ERC2: variants seen among roughly 807,000 people sequenced by gnomAD.
ERC2 encodes the protein ERC protein 2.
ERC2 carries 42 observed loss-of-function variants against 114.8 expected under a neutral mutation model. The observed-to-expected ratio is 0.37, with a 90% CI of 0.29 to 0.47. ERC2 has a LOEUF of 0.47. ERC2 is among the 20% of genes least tolerant of loss of function. The probability of loss-of-function intolerance (pLI) is 0.99; values close to 1 mark genes in which losing one functional copy is unlikely to be tolerated. For synonymous variants in ERC2, 454 were observed against 425.5 expected (o/e 1.07, Z -0.82); for missense variants, 939 against 1,150.7 (o/e 0.82, Z 2.66).
intron 6 of ERC2, among the ~76,000 whole-genome samples, chr3:56,090,034 T>C (rs956489132): frequency 2.0e-5 from 3 of 152,196 alleles, no homozygotes; most frequent in Non-Finnish European, 4.4e-5. Flanking sequence ...AGAAAATTTT[T>C]GACGAATAAT....
chr3:56,185,964 T>A (rs191792603), intron 3 of ERC2, among the ~76,000 whole-genome samples: 121 of 152,112 alleles, frequency 8.0e-4, no homozygotes, highest in Middle Eastern at 3.4e-3. Context: ...GGCCACATCA[T>A]GTGCAAGGAC....
intron 17 of ERC2, among the ~76,000 whole-genome samples, chr3:55,540,461 T>G (rs1195382261): frequency 6.6e-6 from 1 of 152,224 alleles, no homozygotes; most frequent in Non-Finnish European, 1.5e-5. Context: ...AAAGTATGGA[T>G]GCTGAGATGG....
At chr3:55,948,072 T>C (rs1025227161) in intron 13 of ERC2, among the ~76,000 whole-genome samples, 1 of 152,266 alleles carries the variant, frequency 6.6e-6, no homozygotes, top group Non-Finnish European at 1.5e-5. Flanking sequence ...TTTTGTGTTC[T>C]GGTTTGAACA....
At chr3:55,747,308 T>G (rs1025763819) in intron 14 of ERC2, among the ~76,000 whole-genome samples, 8 of 147,918 alleles carry the variant, frequency 5.4e-5, no homozygotes, top group Non-Finnish European at 1.1e-4. Flanking sequence ...TAGGTGCCTG[T>G]TTTTTTTTTA....
rs1157999705 is a variant in ERC2, at chr3:56,434,293, C to G, written c.657+58G>C. On this transcript the variant is annotated intron_variant, in intron 2 of 17. Coordinates refer to ENST00000288221, the MANE Select transcript of ERC2 (RefSeq NM_015576.3). The stretch of plus-strand genomic sequence containing the variant: ...ACAGGTCGTGGTACCATCTGCAAAG[C>G]ATCAACTACTCAGTGAGAAGCCAAG... 3.3e-6 allele frequency: 5 copies of G among 1,522,484 alleles called. No homozygotes were observed. The South Asian group carries it at 6.1e-5, about 18-fold the overall frequency. The allele number at this position is 1,522,484 out of a possible 1,614,324, so 94.3% of individuals were successfully genotyped here. A position where few individuals can be genotyped will look rare whatever the true frequency, so the allele number is the denominator to read the frequency against.
intron 6 of ERC2, among the ~76,000 whole-genome samples, chr3:56,121,358 T>C (rs577665520): frequency 1.4e-4 from 21 of 152,302 alleles, no homozygotes; most frequent in Admixed American, 6.5e-4. Flanking sequence ...AAATGTATAA[T>C]TGTAATACAA....
intron 13 of ERC2, among the ~76,000 whole-genome samples, chr3:55,894,232 TA>T (rs1428835563): frequency 2.6e-5 from 4 of 152,194 alleles, no homozygotes; most frequent in African/African-American, 9.6e-5. Context: ...GTTATAGAAA[TA>T]AACTGGACTG....
intron 15 of ERC2, among the ~76,000 whole-genome samples, chr3:55,708,390 G>C (rs1012021826): frequency 1.3e-5 from 2 of 152,178 alleles, no homozygotes; most frequent in African/African-American, 4.8e-5. Context: ...CCACCACAAA[G>C]TTACTTAGTT....
chr3:56,051,681 C>G (rs1397462246), intron 7 of ERC2, among the ~76,000 whole-genome samples: 13 of 152,004 alleles, frequency 8.6e-5, no homozygotes, highest in African/African-American at 3.1e-4. Context: ...CAAAAATTAG[C>G]CGGGTATGGT....
intron 2 of ERC2, among the ~76,000 whole-genome samples, chr3:56,361,637 G>C (rs1174484689): frequency 6.6e-6 from 1 of 152,194 alleles, no homozygotes; most frequent in Non-Finnish European, 1.5e-5. Flanking sequence ...GTCTGTTTTA[G>C]AGATAAGGCC....
intron 14 of ERC2, among the ~76,000 whole-genome samples, chr3:55,880,026 T>TCAGC (rs2063046171): frequency 6.6e-6 from 1 of 152,200 alleles, no homozygotes; most frequent in Admixed American, 6.5e-5. Context: ...TAGCAGATGC[T>TCAGC]CAGCAAATAT....
chr3:56,273,536 C>T (rs1038924971), intron 3 of ERC2, among the ~76,000 whole-genome samples: 23 of 152,158 alleles, frequency 1.5e-4, no homozygotes. Context: ...TCAGCCACCA[C>T]ACCCGGTCAA....
intron 17 of ERC2, among the ~76,000 whole-genome samples, chr3:55,644,415 A>G (rs1419727401): frequency 6.6e-6 from 1 of 152,190 alleles, no homozygotes; most frequent in Non-Finnish European, 1.5e-5. Flanking sequence ...GATGTCATAG[A>G]AAAAGTGTGG....
chr3:55,806,488 G>T (rs553030425), intron 14 of ERC2, among the ~76,000 whole-genome samples: 1 of 152,254 alleles, frequency 6.6e-6, no homozygotes, highest in East Asian at 1.9e-4. Context: ...AGGAATCATA[G>T]ATTCCAGAGG....
intron 17 of ERC2, among the ~76,000 whole-genome samples, chr3:55,532,168 T>A (rs993284614): frequency 2.0e-5 from 3 of 152,196 alleles, no homozygotes; most frequent in African/African-American, 7.2e-5. Context: ...ATTCCCTGCA[T>A]GAATGGGAAG....
intron 4 of ERC2, among the ~76,000 whole-genome samples, chr3:56,160,098 A>G (rs1396784216): frequency 2.0e-5 from 3 of 152,144 alleles, no homozygotes; most frequent in Admixed American, 2.0e-4. Flanking sequence ...AGGCTGACCT[A>G]ATTTGTATTA....
intron 6 of ERC2, among the ~76,000 whole-genome samples, chr3:56,112,432 GACAC>G (rs3052551): frequency 0.28 from 42,150 of 148,986 alleles, 6,237 homozygotes; most frequent in Middle Eastern, 0.37. Flanking sequence ...AAGACAGACA[GACAC>G]ACACACACAC....
chr3:55,666,242 C>G (rs955249237), intron 17 of ERC2, among the ~76,000 whole-genome samples: 1 of 152,182 alleles, frequency 6.6e-6, no homozygotes, highest in Admixed American at 6.5e-5. Flanking sequence ...AGGAGACCAG[C>G]AAGTTCAGAT....
rs550491401 is a variant in ERC2 at position 55,971,405 on chromosome 3, G to C, written c.2267+14572C>G. 4.6e-5 allele frequency among the ~76,000 whole-genome samples: 7 copies of C among 151,866 alleles called. No homozygotes were observed. In the East Asian group the frequency reaches 1.4e-3, roughly 29 times the overall value. ...ATAAAAAATTAAATGCTATAAAAAAGTTTATAAAAAGAAAACTTATATTGT... is the reference window on the plus strand; with the variant it reads ...ATAAAAAATTAAATGCTATAAAAAACTTTATAAAAAGAAAACTTATATTGT... On this transcript the variant is annotated intron_variant, in intron 12 of 17. Transcript: ENST00000288221.
Sources: allele counts gnomAD v4.1 joint callset (sites outside exome capture counted in the v4.1 genomes callset), GRCh38; gene constraint gnomAD v4.1.1; transcripts MANE v1.5; gene names NCBI Gene and HGNC (gene_info 2026-07-23, HGNC 2026-07-21).